The following AKAP13 variants were observed in gnomAD, a reference collection of about 807,000 sequenced individuals.
AKAP13 encodes A-kinase anchoring protein 13.
A neutral mutation model predicts 264.5 loss-of-function variants in AKAP13; 80 were observed. The observed-to-expected ratio is 0.30, with a 90% CI of 0.25 to 0.36. The LOEUF (loss-of-function observed/expected upper bound fraction) is 0.36. Ranked by LOEUF, AKAP13 falls within the 10% of genes least tolerant of loss-of-function variation. The pLI, the probability that AKAP13 is intolerant of heterozygous loss-of-function variation, is 1.00. For missense variants in AKAP13, 3,712 were observed against 3,435.2 expected, an observed-to-expected ratio of 1.08 and a Z score of -2.01; for synonymous variants, 1,380 against 1,250.2, an observed-to-expected ratio of 1.10 and a Z score of -2.19.
chr15:85,529,458 A>T (rs1480032317), intron 3 of AKAP13, among the ~76,000 whole-genome samples: 1 of 152,212 alleles, frequency 6.6e-6, no homozygotes, highest in Non-Finnish European at 1.5e-5. Context: ...TGCAGTCTTT[A>T]TGTACAAAGG....
At chr15:85,419,559 C>G (rs953982008) in intron 1 of AKAP13, among the ~76,000 whole-genome samples, 3 of 152,032 alleles carry the variant, frequency 2.0e-5, no homozygotes, top group Non-Finnish European at 4.4e-5. Context: ...GTGAAAGATT[C>G]TTGGTATTCT....
chr15:85,688,919 T>C (rs1033826433), intron 16 of AKAP13, among the ~76,000 whole-genome samples: 1 of 152,228 alleles, frequency 6.6e-6, no homozygotes, highest in African/African-American at 2.4e-5. Context: ...TCCTGCTAAG[T>C]AATTTTGCGT....
At chr15:85,488,938 G>A (rs979183874) in intron 2 of AKAP13, among the ~76,000 whole-genome samples, 5 of 152,182 alleles carry the variant, frequency 3.3e-5, no homozygotes, top group African/African-American at 1.2e-4. Context: ...AACTAATAGA[G>A]TAGTAGTTTG....
Position 85,575,287 on chromosome 15 carries a change from T to G in AKAP13, c.819T>G (p.Thr273=). Reference sequence around the variant, plus strand: ...ACCCATTTCCTGGAGACGGTTGCACTGGACCAATTTTTAAACTTATGAACA... The same window carrying G: ...ACCCATTTCCTGGAGACGGTTGCACGGGACCAATTTTTAAACTTATGAACA... ...HEHPFPGDGC[T]GPIFKLMNIQ... Residue 273 remains threonine (T), a synonymous_variant, in exon 6 of 37, where the codon ACT becomes ACG. Transcript: ENST00000394518. 1 of 1,614,190 alleles carries G rather than the reference T, an allele frequency of 6.2e-7. No individual in the cohort carries two copies. Among genetic ancestry groups the G allele is most frequent in the Non-Finnish European group, 8.5e-7 (1 of 1,180,030 alleles).
chr15:85,673,940 C>T (rs2084070998), intron 14 of AKAP13, among the ~76,000 whole-genome samples: 1 of 151,684 alleles, frequency 6.6e-6, no homozygotes, highest in South Asian at 2.1e-4. Flanking sequence ...ATCTGCCCAC[C>T]TCGGCCTCCC....
At position 85,560,971 on chromosome 15, in the gene AKAP13, G is replaced by C. The variant is rs143258728; in HGVS notation, c.663-14160G>C. On this transcript the variant is annotated intron_variant, in intron 5 of 36. Coordinates refer to ENST00000394518, the MANE Select transcript of AKAP13 (RefSeq NM_007200.5). Reference sequence around the variant, plus strand: ...GCTGCACATTAAAGTCTCTGCAGGAGCTTTAAAAAACACTCATGCCTGAGG... The same window carrying C: ...GCTGCACATTAAAGTCTCTGCAGGACCTTTAAAAAACACTCATGCCTGAGG... Among the ~76,000 whole-genome samples the C allele has an allele frequency of 6.3e-3, 960 of 151,534 alleles. 11 individuals are homozygous for C. Among genetic ancestry groups the C allele is most frequent in the African/African-American group, 0.022 (901 of 41,288 alleles).
At chr15:85,741,596 T>A in intron 35 of AKAP13, 101 bp downstream of exon 35, 1 of 1,433,218 alleles carries the variant, frequency 7.0e-7, no homozygotes, top group South Asian at 1.5e-5. Flanking sequence ...TAGAGCCTGT[T>A]TTTGGCCAGA....
At chr15:85,570,600 C>T (rs990961924) in intron 5 of AKAP13, among the ~76,000 whole-genome samples, 10 of 152,204 alleles carry the variant, frequency 6.6e-5, no homozygotes, top group Admixed American at 2.6e-4. Context: ...CAGGATTTCT[C>T]GATGCCAGCA....
In AKAP13 at chr15:85,415,462, A is replaced by T. The variant is rs1051640363; in HGVS notation, c.-12+34664A>T. ...GAGAAGTTTGAAGAAACCACAGCTGATGGCAGAAAAACTCAGACTGTGTGC... is the reference window on the plus strand; with the variant it reads ...GAGAAGTTTGAAGAAACCACAGCTGTTGGCAGAAAAACTCAGACTGTGTGC... On this transcript the variant is annotated intron_variant, in intron 1 of 36. Coordinates refer to ENST00000394518, the MANE Select transcript of AKAP13 (RefSeq NM_007200.5). 7 of 1,599,386 alleles carry T rather than the reference A, an allele frequency of 4.4e-6. No individual in the cohort carries two copies. In the African/African-American group the frequency reaches 9.4e-5, roughly 21 times the overall value.
At chr15:85,499,328 G>A (rs1295164823) in intron 2 of AKAP13, among the ~76,000 whole-genome samples, 2 of 151,986 alleles carry the variant, frequency 1.3e-5, no homozygotes, top group Non-Finnish European at 2.9e-5. Context: ...AATTTTTCAC[G>A]AATTATTCCT....
intron 26 of AKAP13, among the ~76,000 whole-genome samples, chr15:85,723,674 G>C (rs7164426): frequency 6.6e-6 from 1 of 152,024 alleles, no homozygotes. Context: ...ATTGGGATCT[G>C]TGGCAAAACT....
intron 2 of AKAP13, among the ~76,000 whole-genome samples, chr15:85,493,552 T>C (rs1221970969): frequency 6.6e-6 from 1 of 152,184 alleles, no homozygotes; most frequent in Non-Finnish European, 1.5e-5. Flanking sequence ...GTTTGATAGT[T>C]TTATTACAGA....
chr15:85,393,544 T>A (rs2070967989), intron 1 of AKAP13, among the ~76,000 whole-genome samples: 1 of 152,244 alleles, frequency 6.6e-6, no homozygotes. Context: ...TGAGGTCATT[T>A]TCTATAAGGT....
At chr15:85,449,991 G>A (rs919281320) in intron 1 of AKAP13, among the ~76,000 whole-genome samples, 1 of 152,088 alleles carries the variant, frequency 6.6e-6, no homozygotes, top group African/African-American at 2.4e-5. Flanking sequence ...CTGTAAGAAT[G>A]GTACCAGCTC....
chr15:85,595,762 G>A (rs2079796077), intron 8 of AKAP13, among the ~76,000 whole-genome samples: 1 of 152,106 alleles, frequency 6.6e-6, no homozygotes, highest in Non-Finnish European at 1.5e-5. Context: ...TCATAGAATT[G>A]CCTAAGGATT....
chr15:85,422,962 T>G (rs1567048891), intron 1 of AKAP13, among the ~76,000 whole-genome samples: 2 of 152,374 alleles, frequency 1.3e-5, no homozygotes, highest in South Asian at 2.1e-4. Flanking sequence ...ATGTTTTTTG[T>G]TTCCCGGTGC....
intron 2 of AKAP13, among the ~76,000 whole-genome samples, chr15:85,502,537 T>G (rs1332444215): frequency 6.6e-6 from 1 of 152,174 alleles, no homozygotes; most frequent in African/African-American, 2.4e-5. Context: ...CTTAGAAAGA[T>G]TTTCATAAAG....
chr15:85,445,918 A>G (rs562487696), intron 1 of AKAP13, among the ~76,000 whole-genome samples: 55 of 152,354 alleles, frequency 3.6e-4, no homozygotes, highest in Admixed American at 3.6e-3. Flanking sequence ...TGATCAAATC[A>G]GGGTAATTGG....
At chr15:85,735,195 A>G (rs781394965) in intron 31 of AKAP13, 45 bp downstream of exon 31, 6 of 1,584,662 alleles carry the variant, frequency 3.8e-6, no homozygotes, top group African/African-American at 2.7e-5. Context: ...ATCCTTGACT[A>G]TCTCACACAA....
Sources: allele counts gnomAD v4.1 joint callset (sites outside exome capture counted in the v4.1 genomes callset), GRCh38; gene constraint gnomAD v4.1.1; transcripts MANE v1.5; gene names NCBI Gene and HGNC (gene_info 2026-07-23, HGNC 2026-07-21).